PDE4B: variants seen among roughly 807,000 people sequenced by gnomAD.
PDE4B encodes 3',5'-cyclic-AMP phosphodiesterase 4B.
In PDE4B, 20 loss-of-function variants were observed where a neutral mutation model predicts 82.2. The ratio of observed to expected loss-of-function variants is 0.24; its 90% CI spans 0.17 to 0.35. The LOEUF (loss-of-function observed/expected upper bound fraction) is 0.35. Among genes scored for constraint, PDE4B ranks in the 10% least tolerant of loss-of-function variants. PDE4B has a pLI of 1.00. For missense variants in PDE4B, 655 were observed against 907.2 expected (o/e 0.72, Z 3.57); for synonymous variants, 320 against 318.9 (o/e 1.00, Z -0.04).
chr1:65,983,603 G>A (rs1270292425), intron 3 of PDE4B, among the ~76,000 whole-genome samples: 1 of 152,142 alleles, frequency 6.6e-6, no homozygotes, highest in Non-Finnish European at 1.5e-5. Flanking sequence ...TAAAGGGAAA[G>A]CCATGTGAAG....
chr1:66,179,225 C>T (rs1647008234), intron 3 of PDE4B, among the ~76,000 whole-genome samples: 1 of 152,186 alleles, frequency 6.6e-6, no homozygotes, highest in Non-Finnish European at 1.5e-5. Context: ...TGGAAACTCA[C>T]TCAGCATATG....
At chr1:65,916,509 T>C (rs1647161689) in intron 2 of PDE4B, among the ~76,000 whole-genome samples, 1 of 152,156 alleles carries the variant, frequency 6.6e-6, no homozygotes, top group Non-Finnish European at 1.5e-5. Context: ...TTTGGTAAGG[T>C]GTGTCTTACA....
intron 3 of PDE4B, among the ~76,000 whole-genome samples, chr1:65,978,659 G>A (rs527710127): frequency 5.7e-4 from 87 of 152,102 alleles, no homozygotes; most frequent in Non-Finnish European, 5.0e-4. Flanking sequence ...CAAGAGTACT[G>A]TTTAGGAAAT....
intron 3 of PDE4B, among the ~76,000 whole-genome samples, chr1:66,212,975 G>C (rs1439311317): frequency 1.3e-5 from 2 of 152,200 alleles, no homozygotes; most frequent in Non-Finnish European, 2.9e-5. Context: ...CGCCTCCAAA[G>C]TCTATGGAGG....
At chr1:66,210,396 G>A (rs1397922965) in intron 3 of PDE4B, among the ~76,000 whole-genome samples, 1 of 151,928 alleles carries the variant, frequency 6.6e-6, no homozygotes, top group Admixed American at 6.6e-5. Flanking sequence ...AAGAGATTGA[G>A]ACCAGCCTGA....
At chr1:65,851,058 A>G (rs775476270) in intron 1 of PDE4B, among the ~76,000 whole-genome samples, 10 of 152,188 alleles carry the variant, frequency 6.6e-5, no homozygotes, top group Non-Finnish European at 1.3e-4. Context: ...TGTTCTAGCA[A>G]CAATTAGCTA....
intron 3 of PDE4B, among the ~76,000 whole-genome samples, chr1:65,949,123 C>T (rs1648864657): frequency 6.6e-6 from 1 of 152,072 alleles, no homozygotes; most frequent in South Asian, 2.1e-4. Flanking sequence ...CACCTAGCCT[C>T]TGCTCTTCTC....
intron 1 of PDE4B, among the ~76,000 whole-genome samples, chr1:65,853,898 C>A (rs1646361811): frequency 6.6e-6 from 1 of 152,110 alleles, no homozygotes; most frequent in African/African-American, 2.4e-5. Context: ...TAAACTAATA[C>A]CCTAAGGCAT....
chr1:66,076,336 G>T (rs963252122), intron 3 of PDE4B, among the ~76,000 whole-genome samples: 2 of 152,090 alleles, frequency 1.3e-5, no homozygotes, highest in Non-Finnish European at 2.9e-5. Context: ...CTGCATCTAC[G>T]TTGCTGCAAA....
At chr1:66,229,849 A>G (rs1017902617) in intron 3 of PDE4B, among the ~76,000 whole-genome samples, 3 of 152,160 alleles carry the variant, frequency 2.0e-5, no homozygotes, top group South Asian at 2.1e-4. Context: ...TTGCTATTTT[A>G]TACACGAGGA....
At chr1:66,112,068 G>T (rs1262955194) in intron 3 of PDE4B, among the ~76,000 whole-genome samples, 2 of 152,018 alleles carry the variant, frequency 1.3e-5, no homozygotes, top group African/African-American at 4.8e-5. Context: ...ATAAAAAGTT[G>T]ATTAATTTAT....
intron 3 of PDE4B, among the ~76,000 whole-genome samples, chr1:66,010,917 T>C (rs1224205920): frequency 6.7e-6 from 1 of 150,214 alleles, no homozygotes; most frequent in South Asian, 2.1e-4. Context: ...AGGAAGAAAA[T>C]GGAAGAAAGT....
intron 1 of PDE4B, among the ~76,000 whole-genome samples, chr1:65,838,087 G>T (rs1231190317): frequency 6.6e-6 from 1 of 152,272 alleles, no homozygotes; most frequent in East Asian, 1.9e-4. Flanking sequence ...AGCTAGCTGG[G>T]TAGTACACAG....
At chr1:66,108,286 T>G (rs886659269) in intron 3 of PDE4B, among the ~76,000 whole-genome samples, 1 of 151,848 alleles carries the variant, frequency 6.6e-6, no homozygotes, top group East Asian at 1.9e-4. Flanking sequence ...TTTGATTTCT[T>G]TTTTTTAGAT....
At chr1:66,090,851 G>T (rs911167855) in intron 3 of PDE4B, among the ~76,000 whole-genome samples, 1 of 151,516 alleles carries the variant, frequency 6.6e-6, no homozygotes. Context: ...CTTCTTTTAC[G>T]CTGTATGACG....
At chr1:65,809,051 C>T (rs1645789054) in intron 1 of PDE4B, among the ~76,000 whole-genome samples, 1 of 151,996 alleles carries the variant, frequency 6.6e-6, no homozygotes. Flanking sequence ...GCAAAATGGG[C>T]TGGGCGTGGT....
intron 1 of PDE4B, among the ~76,000 whole-genome samples, chr1:65,907,614 T>C (rs1047426585): frequency 1.3e-5 from 2 of 152,142 alleles, no homozygotes; most frequent in African/African-American, 4.8e-5. Context: ...TAAACCTTGA[T>C]GTTAGTTTTA....
intron 3 of PDE4B, among the ~76,000 whole-genome samples, chr1:65,964,995 G>A (rs1313911598): frequency 1.3e-5 from 2 of 152,014 alleles, no homozygotes; most frequent in South Asian, 4.2e-4. Context: ...AAGCACGCTC[G>A]GCTGTTTTAG....
intron 7 of PDE4B, among the ~76,000 whole-genome samples, chr1:66,297,627 A>G (rs1363897349): frequency 6.6e-6 from 1 of 152,114 alleles, no homozygotes; most frequent in East Asian, 1.9e-4. Context: ...TATTCATTAT[A>G]TATTATTCAT....
Sources: gnomAD v4.1 joint callset for allele counts (sites outside exome capture counted in the v4.1 genomes callset) on GRCh38, gnomAD v4.1.1 for gene constraint, MANE v1.5 for transcripts, NCBI Gene and HGNC (gene_info 2026-07-23, HGNC 2026-07-21) for gene names.